NTRK3: variants seen among roughly 807,000 people sequenced by gnomAD.
NTRK3 encodes NT-3 growth factor receptor.
NTRK3 carries 24 observed loss-of-function variants against 91.7 expected under a neutral mutation model. The ratio of observed to expected loss-of-function variants is 0.26; its 90% CI spans 0.19 to 0.37. NTRK3 has a LOEUF of 0.37. Among genes scored for constraint, NTRK3 ranks in the 10% least tolerant of loss-of-function variants. The pLI, the probability that NTRK3 is intolerant of heterozygous loss-of-function variation, is 1.00. For missense variants in NTRK3, 880 were observed against 1,068.9 expected (o/e 0.82, Z 2.46); for synonymous variants, 483 against 404.0 (o/e 1.20, Z -2.34).
chr15:88,039,413 G>A (rs542084186), intron 13 of NTRK3, among the ~76,000 whole-genome samples: 1 of 152,080 alleles, frequency 6.6e-6, no homozygotes, highest in Non-Finnish European at 1.5e-5. Context: ...CAGATCCACG[G>A]TGGATTTTAT....
chr15:87,951,189 C>A (rs1212707239), intron 14 of NTRK3, among the ~76,000 whole-genome samples: 2 of 152,178 alleles, frequency 1.3e-5, no homozygotes, highest in Non-Finnish European at 2.9e-5. Context: ...ATCCCCAACA[C>A]GGGAAATAAT....
At chr15:87,934,764 C>G (rs139070332) in intron 15 of NTRK3, among the ~76,000 whole-genome samples, 2 of 152,216 alleles carry the variant, frequency 1.3e-5, no homozygotes, top group African/African-American at 4.8e-5. Flanking sequence ...ATGACAGACA[C>G]TTAGAGTTTG....
chr15:88,114,994 G>T (rs1261854214), intron 13 of NTRK3, among the ~76,000 whole-genome samples: 1 of 152,068 alleles, frequency 6.6e-6, no homozygotes, highest in Admixed American at 6.6e-5. Context: ...AGTCACACTG[G>T]GATAAATACC....
chr15:87,960,270 C>T (rs1379732683), intron 14 of NTRK3, among the ~76,000 whole-genome samples: 1 of 152,172 alleles, frequency 6.6e-6, no homozygotes, highest in Non-Finnish European at 1.5e-5. Flanking sequence ...TTATTTCCCT[C>T]TGTCTTCAAT....
At chr15:88,229,486 G>T (rs2050981747) in intron 3 of NTRK3, among the ~76,000 whole-genome samples, 1 of 152,120 alleles carries the variant, frequency 6.6e-6, no homozygotes. Context: ...TGTGAGGAGG[G>T]ACTACATCCT....
At chr15:88,159,649 G>A (rs2044248277) in intron 5 of NTRK3, among the ~76,000 whole-genome samples, 1 of 152,182 alleles carries the variant, frequency 6.6e-6, no homozygotes, top group East Asian at 1.9e-4. Context: ...GGAAATGAAA[G>A]AGTCATGTGA....
At chr15:88,129,227 C>T (rs1384329672) in intron 10 of NTRK3, among the ~76,000 whole-genome samples, 1 of 152,154 alleles carries the variant, frequency 6.6e-6, no homozygotes. Context: ...AGAATCTGCC[C>T]GTCCTGCAGA....
At chr15:88,178,049 G>A (rs1287068222) in intron 5 of NTRK3, among the ~76,000 whole-genome samples, 1 of 152,184 alleles carries the variant, frequency 6.6e-6, no homozygotes, top group Non-Finnish European at 1.5e-5. Flanking sequence ...CTTACTGTCA[G>A]CTATCCAGCA....
chr15:88,191,097 C>T (rs17831100), intron 3 of NTRK3, among the ~76,000 whole-genome samples: 1,912 of 151,838 alleles, frequency 0.013, 20 homozygotes, highest in Non-Finnish European at 0.017. Context: ...CATGGCGGTA[C>T]CTAAGCGTAC....
At chr15:88,220,997 T>G (rs964018092) in intron 3 of NTRK3, among the ~76,000 whole-genome samples, 1 of 152,224 alleles carries the variant, frequency 6.6e-6, no homozygotes, top group Non-Finnish European at 1.5e-5. Context: ...CTCAGTTCTC[T>G]GCATTTTTAA....
chr15:88,123,932 AAAG>A (rs929210331), intron 13 of NTRK3, among the ~76,000 whole-genome samples: 1 of 152,166 alleles, frequency 6.6e-6, no homozygotes, highest in East Asian at 1.9e-4. Flanking sequence ...GTAATTCCAA[AAAG>A]AAGGAGGGTT....
At chr15:88,039,152 C>T (rs926598280) in intron 13 of NTRK3, among the ~76,000 whole-genome samples, 1 of 151,898 alleles carries the variant, frequency 6.6e-6, no homozygotes, top group Non-Finnish European at 1.5e-5. Context: ...CACACACACA[C>T]ACACACACAC....
intron 17 of NTRK3, chr15:87,916,412 A>T (rs2067448766): frequency 3.0e-6 from 2 of 669,638 alleles, no homozygotes; most frequent in Middle Eastern, 2.4e-4. Flanking sequence ...TGAATGACTC[A>T]ACACCAGATT....
chr15:87,876,553 G>A (rs1255892279), exon 19 of NTRK3: 1 of 224,680 alleles, frequency 4.5e-6, no homozygotes, highest in Non-Finnish European at 8.8e-6. Context: ...AGCATTAGAA[G>A]CATGGGCCAC....
chr15:88,021,500 A>C (rs2077586625), intron 14 of NTRK3, among the ~76,000 whole-genome samples: 1 of 152,230 alleles, frequency 6.6e-6, no homozygotes, highest in African/African-American at 2.4e-5. Context: ...GGTAAGTCTC[A>C]GGGATCTCTA....
At chr15:88,089,550 A>G (rs2048819508) in intron 13 of NTRK3, among the ~76,000 whole-genome samples, 1 of 152,226 alleles carries the variant, frequency 6.6e-6, no homozygotes, top group African/African-American at 2.4e-5. Context: ...GACATGGGGG[A>G]AATGTCTATG....
At chr15:87,909,429 G>C (rs2066958419) in intron 17 of NTRK3, among the ~76,000 whole-genome samples, 2 of 152,204 alleles carry the variant, frequency 1.3e-5, no homozygotes, top group Admixed American at 6.5e-5. Flanking sequence ...GAATGACCTG[G>C]AGGAGAGGCA....
intron 6 of NTRK3, among the ~76,000 whole-genome samples, chr15:88,141,392 C>T (rs971865413): frequency 1.4e-4 from 22 of 152,202 alleles, no homozygotes; most frequent in African/African-American, 4.8e-4. Flanking sequence ...AGATGAGCTG[C>T]CCAGTGTATG....
In NTRK3 at chr15:87,873,412, C is replaced by G. The variant is rs985898541; in HGVS notation, c.*3523G>C. 2.6e-5 allele frequency: 6 copies of G among 230,576 alleles called. No individual in the cohort carries two copies. The East Asian group carries it at 3.7e-4, about 14-fold the overall frequency. The allele number at this position is 230,576 out of a possible 1,614,324, so 14.3% of individuals were successfully genotyped here. A position where few individuals can be genotyped will look rare whatever the true frequency, so the allele number is the denominator to read the frequency against. The stretch of plus-strand genomic sequence containing the variant: ...CAAAGAAAGAAGAATTGGGAGGTCC[C>G]ATGGCCACAACACCCTACTCCAAGG... On this transcript the variant is annotated 3_prime_UTR_variant, in exon 19 of 19. Transcript: ENST00000394480.
Sources: gnomAD v4.1 joint callset for allele counts (sites outside exome capture counted in the v4.1 genomes callset) on GRCh38, gnomAD v4.1.1 for gene constraint, MANE v1.5 for transcripts, NCBI Gene and HGNC (gene_info 2026-07-23, HGNC 2026-07-21) for gene names.